Variants in KCNQ1 observed in about 807,000 individuals in gnomAD.
KCNQ1 encodes the protein potassium voltage-gated channel subfamily KQT member 1.
In KCNQ1, 49 loss-of-function variants were observed where a neutral mutation model predicts 72.4. The observed-to-expected ratio is 0.68, with a 90% confidence interval of 0.54 to 0.86. The LOEUF (loss-of-function observed/expected upper bound fraction) is 0.86, where lower values mean the gene tolerates loss of function less well. KCNQ1 is among the 40% of genes least tolerant of loss of function. The pLI is 0.00. For missense variants in KCNQ1, 790 were observed against 945.1 expected (o/e 0.84, Z 2.15); for synonymous variants, 450 against 412.6 (o/e 1.09, Z -1.10).
At position 2,562,531 on chromosome 11, in the gene KCNQ1, C is replaced by T. The variant is rs919112012; in HGVS notation, c.478-8097C>T. On this transcript the variant is annotated intron_variant, in intron 2 of 15. Coordinates refer to ENST00000155840, the MANE Select transcript of KCNQ1 (RefSeq NM_000218.3). This position sits in a 1 kb window ranked among gnomAD's most constrained non-coding sequence, Gnocchi z 7.5. ...TGCCCCCACAGGGAAGCGCCTGGCT[C>T]AGCACAGGCCCAGCCCTCTGGCTTC... is the stretch of plus-strand genomic sequence containing the variant. Among the ~76,000 whole-genome samples, 2 of 152,186 alleles carry T rather than the reference C, an allele frequency of 1.3e-5. No homozygotes were observed. Among genetic ancestry groups the T allele is most frequent in the Admixed American group, 6.5e-5 (1 of 15,288 alleles).
Position 2,533,707 on chromosome 11 carries a change from C to G in KCNQ1, c.477+5689C>G, listed in dbSNP as rs116552590. ...CCCGGTTTGGGTGGCTCTCCTGTTTCTTGCCGAAGCCAGCTGCTGCTAGAA... is the reference window on the plus strand; with the variant it reads ...CCCGGTTTGGGTGGCTCTCCTGTTTGTTGCCGAAGCCAGCTGCTGCTAGAA... On this transcript the variant is annotated intron_variant, in intron 2 of 15. Transcript: ENST00000155840. Among the ~76,000 whole-genome samples, 939 of 152,340 alleles carry G rather than the reference C, an allele frequency of 6.2e-3. 12 individuals are homozygous for G. Among genetic ancestry groups the G allele is most frequent in the African/African-American group, 0.022 (902 of 41,576 alleles).
intron 14 of KCNQ1, chr11:2,777,585 A>T (rs1273677255): frequency 1.9e-6 from 1 of 535,252 alleles, no homozygotes; most frequent in African/African-American, 2.0e-5. Flanking sequence ...AACAGCAGCC[A>T]CGGCTCATAG....
chr11:2,668,454 T>G lies in KCNQ1; in HGVS notation c.1514+6373T>G. On this transcript the variant is annotated intron_variant, in intron 11 of 15. Coordinates refer to ENST00000155840, the MANE Select transcript of KCNQ1 (RefSeq NM_000218.3). The surrounding 1 kb of genome is among the most constrained non-coding windows in gnomAD (Gnocchi z 4.3). ...TTCTGGCTGCTCCACATCCTAACAC[T>G]TGGCATTTTCCGTCGTTTCCTTTTC... is the stretch of plus-strand genomic sequence containing the variant. 1 of 398,624 alleles carries G rather than the reference T, an allele frequency of 2.5e-6. No homozygotes were observed. The highest frequency in any genetic ancestry group is 4.4e-6 in the Non-Finnish European group (1 of 226,070). The allele number at this position is 398,624 out of a possible 1,614,324, so 24.7% of individuals were successfully genotyped here.
chr11:2,456,302 CAA>C (rs113254398), intron 1 of KCNQ1, among the ~76,000 whole-genome samples: 2 of 112,234 alleles, frequency 1.8e-5, no homozygotes, highest in Admixed American at 8.8e-5. Flanking sequence ...TATCTCAAAA[CAA>C]AAAAAAAAAA....
chr11:2,619,271 C>T (rs1278118722), intron 10 of KCNQ1: 1 of 398,262 alleles, frequency 2.5e-6, no homozygotes, highest in East Asian at 3.6e-5. Context: ...AGTAGAAGGG[C>T]TTCTGTTTTC....
At chr11:2,821,342 A>G (rs163180) in intron 15 of KCNQ1, among the ~76,000 whole-genome samples, 152,198 of 152,360 alleles carry the variant, frequency 1, 76,018 homozygotes, top group Middle Eastern at 1. Context: ...GTTGGGGAAT[A>G]TGGTGAGAAT....
At position 2,515,952 on chromosome 11, in the gene KCNQ1, G is replaced by T. The variant is rs1450151720; in HGVS notation, c.387-11976G>T. On this transcript the variant is annotated intron_variant, in intron 1 of 15. Coordinates refer to ENST00000155840, the MANE Select transcript of KCNQ1 (RefSeq NM_000218.3). The surrounding 1 kb of genome is among the most constrained non-coding windows in gnomAD (Gnocchi z 4.7). ...TGAGGCCCTGACCACCTCTATGTGT[G>T]CCATGGCTGCAGTGACAGCCCAGAC... 1.3e-5 allele frequency among the ~76,000 whole-genome samples: 2 copies of T among 151,806 alleles called. No homozygotes were observed. Among genetic ancestry groups the T allele is most frequent in the African/African-American group, 4.8e-5 (2 of 41,316 alleles).
intron 15 of KCNQ1, among the ~76,000 whole-genome samples, chr11:2,779,189 G>A (rs1846771981): frequency 6.6e-6 from 1 of 152,220 alleles, no homozygotes; most frequent in South Asian, 2.1e-4. Context: ...GCGCCCATCT[G>A]GCAGGACAGG....
Position 2,552,870 on chromosome 11 carries a change from A to T in KCNQ1, c.478-17758A>T, listed in dbSNP as rs549929227. Among the ~76,000 whole-genome samples, 7 of 152,268 alleles carry T rather than the reference A, an allele frequency of 4.6e-5. No individual in the cohort carries two copies. The East Asian group carries it at 1.4e-3, about 29-fold the overall frequency. ...CGTCTTAGTAATACCGAGTTTTCTG[A>T]TCCACGAACACGGTCTTGCTCCCCG... On this transcript the variant is annotated intron_variant, in intron 2 of 15. Transcript: ENST00000155840.
rs1216587050 is a variant in KCNQ1, at chr11:2,592,727, A to G, written c.1393+3873A>G. Among the ~76,000 whole-genome samples, 1 of 152,172 alleles carries G rather than the reference A, an allele frequency of 6.6e-6. No homozygotes were observed. The highest frequency in any genetic ancestry group is 1.5e-5 in the Non-Finnish European group (1 of 68,006). On this transcript the variant is annotated intron_variant, in intron 10 of 15. Coordinates refer to ENST00000155840, the MANE Select transcript of KCNQ1 (RefSeq NM_000218.3). The surrounding 1 kb of genome is among the most constrained non-coding windows in gnomAD (Gnocchi z 5.2). ...GTCTGTGCCCAGCCTGGGGAGCCTG[A>G]CACTCACAGCCCGGCTGCTGCTGCC...
In KCNQ1 at chr11:2,671,859, G is replaced by T; in HGVS notation, c.1514+9778G>T. 1 of 398,714 alleles carries T rather than the reference G, an allele frequency of 2.5e-6. No homozygotes were observed. Among genetic ancestry groups the T allele is most frequent in the Non-Finnish European group, 4.4e-6 (1 of 226,124 alleles). 24.7% of individuals were successfully genotyped at this position (398,714 alleles called of 1,614,324 possible). On this transcript the variant is annotated intron_variant, in intron 11 of 15. Coordinates refer to ENST00000155840, the MANE Select transcript of KCNQ1 (RefSeq NM_000218.3). The surrounding 1 kb of genome is among the most constrained non-coding windows in gnomAD (Gnocchi z 4.7). ...AGGTCTGAGCCTTCTGCCCCAGGGA[G>T]CCAAGCCCTGGAGAGGAGGTGGGCA...
At chr11:2,820,866 C>T (rs1392943853) in intron 15 of KCNQ1, among the ~76,000 whole-genome samples, 1 of 152,206 alleles carries the variant, frequency 6.6e-6, no homozygotes, top group Non-Finnish European at 1.5e-5. Context: ...CCTGGCTCTT[C>T]CTTCATCCCA....
At chr11:2,445,570 C>A in intron 1 of KCNQ1, 86 bp downstream of exon 1, 1 of 1,477,190 alleles carries the variant, frequency 6.8e-7, no homozygotes, top group East Asian at 2.4e-5. Flanking sequence ...CCACCTGCCC[C>A]GTCGGAGCTG....
In KCNQ1 at chr11:2,678,918, G is replaced by C. The variant is rs1850340519; in HGVS notation, c.1514+16837G>C. 2.5e-6 allele frequency: 1 copy of C among 398,432 alleles called. No homozygotes were observed. The highest frequency in any genetic ancestry group is 4.4e-6 in the Non-Finnish European group (1 of 226,072). 24.7% of individuals were successfully genotyped at this position (398,432 alleles called of 1,614,324 possible). ...GTATACATGTATGATCATACTTTCA[G>C]GGCATCTTGGAAAAACTGAATTTGC... is the stretch of plus-strand genomic sequence containing the variant. On this transcript the variant is annotated intron_variant, in intron 11 of 15. Coordinates refer to ENST00000155840, the MANE Select transcript of KCNQ1 (RefSeq NM_000218.3). This position sits in a 1 kb window ranked among gnomAD's most constrained non-coding sequence, Gnocchi z 4.9.
intron 15 of KCNQ1, among the ~76,000 whole-genome samples, chr11:2,832,039 G>C (rs938959442): frequency 6.6e-6 from 1 of 152,096 alleles, no homozygotes; most frequent in African/African-American, 2.4e-5. Context: ...AGGCAGCCCT[G>C]CAGGTGGACA....
intron 11 of KCNQ1, chr11:2,694,248 G>C (rs1350386065): frequency 2.5e-6 from 1 of 398,570 alleles, no homozygotes; most frequent in African/African-American, 2.1e-5. Context: ...GCAAGCCAGG[G>C]CCTGCTGCCT....
intron 1 of KCNQ1, among the ~76,000 whole-genome samples, chr11:2,452,216 AGCTC>A (rs1846127620): frequency 6.6e-6 from 1 of 152,172 alleles, no homozygotes; most frequent in Non-Finnish European, 1.5e-5. Flanking sequence ...TGCTCTGAGT[AGCTC>A]TCCCCGGCTC....
intron 10 of KCNQ1, chr11:2,616,201 TTTG>T (rs1213589499): frequency 6.8e-5 from 27 of 396,994 alleles, no homozygotes; most frequent in Non-Finnish European, 8.9e-5. Flanking sequence ...CGTTCCCACT[TTTG>T]TTTTTTTTTC....
In KCNQ1 at chr11:2,623,266, T is replaced by C; in HGVS notation, c.1393+34412T>C. 1.0e-5 allele frequency: 4 copies of C among 398,786 alleles called. 1 individual carries two copies. The South Asian group carries it at 5.1e-4, about 51-fold the overall frequency. 24.7% of individuals were successfully genotyped at this position (398,786 alleles called of 1,614,324 possible). On this transcript the variant is annotated intron_variant, in intron 10 of 15. Coordinates refer to ENST00000155840, the MANE Select transcript of KCNQ1 (RefSeq NM_000218.3). The surrounding 1 kb of genome is among the most constrained non-coding windows in gnomAD (Gnocchi z 5.2). ...CAAAACTGTGAGTCAATTAAACCTC[T>C]TTTCTCACAAATTACCCAGTCTCAG... is the stretch of plus-strand genomic sequence containing the variant.
Sources: allele counts gnomAD v4.1 joint callset (sites outside exome capture counted in the v4.1 genomes callset), GRCh38; gene constraint gnomAD v4.1.1; non-coding constraint Gnocchi (gnomAD v3.1); transcripts MANE v1.5; gene names NCBI Gene and HGNC (gene_info 2026-07-23, HGNC 2026-07-21).